Variants in CSMD1 observed in about 807,000 individuals in gnomAD.
The protein encoded by CSMD1 is CUB and Sushi multiple domains 1, also known as CUB and sushi domain-containing protein 1.
Under a neutral mutation model 417.5 loss-of-function variants are expected in CSMD1, and 213 were observed. That is an observed-to-expected ratio of 0.51 (90% CI 0.46 to 0.57). CSMD1 has a LOEUF of 0.57. Ranked by LOEUF, CSMD1 falls within the 20% of genes least tolerant of loss-of-function variation. The pLI is 0.00. For synonymous variants in CSMD1, 2,862 were observed against 1,736.8 expected, an observed-to-expected ratio of 1.65 and a Z score of -16.11; for missense variants, 6,923 against 4,529.7, an observed-to-expected ratio of 1.53 and a Z score of -15.17.
At chr8:4,199,988 T>C (rs974393333) in intron 3 of CSMD1, among the ~76,000 whole-genome samples, 7 of 152,168 alleles carry the variant, frequency 4.6e-5, no homozygotes, top group African/African-American at 1.4e-4. Flanking sequence ...ATGGTGACTA[T>C]TAAAAGTTCA....
intron 5 of CSMD1, among the ~76,000 whole-genome samples, chr8:3,821,119 T>C (rs371372689): frequency 1.6e-4 from 24 of 152,192 alleles, no homozygotes; most frequent in African/African-American, 5.5e-4. Context: ...AGTTTCACCA[T>C]GTAAGCCAGG....
At chr8:4,723,198 G>C (rs1279927388) in intron 1 of CSMD1, among the ~76,000 whole-genome samples, 12 of 152,158 alleles carry the variant, frequency 7.9e-5, no homozygotes, top group Non-Finnish European at 2.9e-5. Context: ...CCGCCAGGAA[G>C]TCATAGAGTA....
chr8:3,496,756 G>A (rs1267162073), intron 10 of CSMD1, among the ~76,000 whole-genome samples: 4 of 152,054 alleles, frequency 2.6e-5, no homozygotes, highest in African/African-American at 4.8e-5. Flanking sequence ...AACCTGGGAG[G>A]TGGAGGTTGC....
intron 1 of CSMD1, among the ~76,000 whole-genome samples, chr8:4,698,603 T>TTTTG (rs1807292473): frequency 6.6e-6 from 1 of 151,218 alleles, no homozygotes; most frequent in Admixed American, 6.6e-5. Context: ...TAGAAATTTT[T>TTTTG]TTTTTTTTGG....
rs111783788 is a variant in CSMD1, at chr8:4,713,494, C to T, written c.86-75936G>A. Among the ~76,000 whole-genome samples the T allele has an allele frequency of 5.5e-3, 844 of 152,244 alleles. 6 individuals carry two copies. Among genetic ancestry groups the T allele is most frequent in the Non-Finnish European group, 9.4e-3 (641 of 68,008 alleles). Reference sequence around the variant, plus strand: ...CCGGCTCACTGCCATCTCCGCCTCCCGGGTTCCAGTGATTTTCCTGCCTCA... The same window carrying T: ...CCGGCTCACTGCCATCTCCGCCTCCTGGGTTCCAGTGATTTTCCTGCCTCA... On this transcript the variant is annotated intron_variant, in intron 1 of 69. Coordinates refer to ENST00000635120, the MANE Select transcript of CSMD1 (RefSeq NM_033225.6).
chr8:3,023,739 A>C (rs1009433274), intron 51 of CSMD1, among the ~76,000 whole-genome samples: 18 of 152,136 alleles, frequency 1.2e-4, no homozygotes, highest in African/African-American at 4.1e-4. Context: ...GGAGCTACCT[A>C]GACAAGCAGA....
intron 2 of CSMD1, among the ~76,000 whole-genome samples, chr8:4,459,074 C>G (rs1281653603): frequency 1.3e-5 from 2 of 152,206 alleles, no homozygotes; most frequent in Non-Finnish European, 2.9e-5. Flanking sequence ...ACTAGATTCT[C>G]TCTACCTGCA....
intron 10 of CSMD1, among the ~76,000 whole-genome samples, chr8:3,569,779 G>C (rs1799870311): frequency 6.6e-6 from 1 of 152,094 alleles, no homozygotes; most frequent in African/African-American, 2.4e-5. Flanking sequence ...GCTTAATTTG[G>C]ATGGTAATTC....
intron 3 of CSMD1, among the ~76,000 whole-genome samples, chr8:4,185,931 G>T (rs988466491): frequency 1.3e-5 from 2 of 152,004 alleles, no homozygotes; most frequent in African/African-American, 4.8e-5. Flanking sequence ...TCATTTCCCT[G>T]CAATACTTTC....
At chr8:4,488,704 G>C (rs1349077420) in intron 2 of CSMD1, among the ~76,000 whole-genome samples, 1 of 151,934 alleles carries the variant, frequency 6.6e-6, no homozygotes, top group Non-Finnish European at 1.5e-5. Flanking sequence ...GAAAAGTGTG[G>C]ATATGTGGCA....
chr8:4,022,816 A>C (rs1796856530), intron 4 of CSMD1, among the ~76,000 whole-genome samples: 2 of 152,144 alleles, frequency 1.3e-5, no homozygotes, highest in South Asian at 4.1e-4. Context: ...TTAGAGAAAC[A>C]ATTCAGTGGT....
intron 2 of CSMD1, among the ~76,000 whole-genome samples, chr8:4,636,284 A>G (rs921511232): frequency 6.6e-6 from 1 of 152,182 alleles, no homozygotes; most frequent in Non-Finnish European, 1.5e-5. Context: ...ACAGACGTAC[A>G]GGTATAATTT....
Position 3,520,001 on chromosome 8 carries a change from T to TG in CSMD1, c.1345-26276dup, listed in dbSNP as rs1491167813. On this transcript the variant is annotated intron_variant, in intron 10 of 69. Transcript: ENST00000635120. ...ACTTCTTTATCTGTGTGCATATATA[T>TG]GTGTGTGTGTGTATATACCTATATA... Among the ~76,000 whole-genome samples, 157 of 145,710 alleles carry TG rather than the reference T, an allele frequency of 1.1e-3. 1 individual carries two copies. The highest frequency in any genetic ancestry group is 3.9e-3 in the African/African-American group (148 of 37,566).
At chr8:3,481,030 C>A (rs1194917710) in intron 11 of CSMD1, among the ~76,000 whole-genome samples, 1 of 151,536 alleles carries the variant, frequency 6.6e-6, no homozygotes, top group Non-Finnish European at 1.5e-5. Context: ...GTGGCAGGCA[C>A]CTGTAGTCCC....
intron 3 of CSMD1, among the ~76,000 whole-genome samples, chr8:4,359,254 T>TC (rs1368150696): frequency 1.3e-5 from 2 of 152,186 alleles, no homozygotes; most frequent in African/African-American, 2.4e-5. Flanking sequence ...ATTACTTCAC[T>TC]CTTCAAGAAT....
intron 5 of CSMD1, among the ~76,000 whole-genome samples, chr8:3,803,153 T>G (rs1800548847): frequency 6.6e-6 from 1 of 152,200 alleles, no homozygotes; most frequent in Non-Finnish European, 1.5e-5. Context: ...GTACTCATGT[T>G]CTAATCATGC....
chr8:4,305,026 C>G (rs55948809), intron 3 of CSMD1, among the ~76,000 whole-genome samples: 10,332 of 152,242 alleles, frequency 0.068, 451 homozygotes, highest in Non-Finnish European at 0.096. Flanking sequence ...CACACAGTTC[C>G]CCACGTTAGA....
At chr8:3,200,490 G>A (rs868508353) in intron 32 of CSMD1, among the ~76,000 whole-genome samples, 1 of 151,920 alleles carries the variant, frequency 6.6e-6, no homozygotes, top group South Asian at 2.1e-4. Flanking sequence ...GGGAGATGGA[G>A]GTTGCAGTGA....
intron 3 of CSMD1, among the ~76,000 whole-genome samples, chr8:4,033,966 T>A (rs1186825870): frequency 6.6e-6 from 1 of 152,202 alleles, no homozygotes; most frequent in East Asian, 1.9e-4. Flanking sequence ...TATTTAGTAT[T>A]CAAGTAAGCT....
Sources: allele counts gnomAD v4.1 joint callset (sites outside exome capture counted in the v4.1 genomes callset), GRCh38; gene constraint gnomAD v4.1.1; transcripts MANE v1.5; gene names NCBI Gene and HGNC (gene_info 2026-07-23, HGNC 2026-07-21).